KCNN2: variants seen among roughly 807,000 people sequenced by gnomAD.
KCNN2 encodes the protein small conductance calcium-activated potassium channel protein 2.
Under a neutral mutation model 55.5 loss-of-function variants are expected in KCNN2, and 24 were observed. The observed-to-expected ratio is 0.43, with a 90% CI of 0.31 to 0.61. KCNN2 has a LOEUF of 0.61. Ranked by LOEUF, KCNN2 falls within the 20% of genes least tolerant of loss-of-function variation. KCNN2 has a pLI of 0.08. For missense variants in KCNN2, 754 were observed against 853.6 expected (o/e 0.88, Z 1.45); for synonymous variants, 431 against 336.1 (o/e 1.28, Z -3.09).
chr5:114,185,875 T>G (rs1753322731), intron 1 of KCNN2, among the ~76,000 whole-genome samples: 1 of 152,212 alleles, frequency 6.6e-6, no homozygotes, highest in African/African-American at 2.4e-5. Context: ...TGTATCTGGT[T>G]GAAAACTATT....
intron 1 of KCNN2, among the ~76,000 whole-genome samples, chr5:114,191,632 A>C (rs934679528): frequency 1.3e-5 from 2 of 152,196 alleles, no homozygotes; most frequent in African/African-American, 4.8e-5. Context: ...CAGTCATAGC[A>C]CTGGAATGTT....
chr5:114,118,003 G>T (rs1189973789), intron 1 of KCNN2, among the ~76,000 whole-genome samples: 2 of 152,098 alleles, frequency 1.3e-5, no homozygotes, highest in African/African-American at 4.8e-5. Context: ...ACATCAAACA[G>T]ATATAGCTAC....
intron 1 of KCNN2, among the ~76,000 whole-genome samples, chr5:114,072,703 A>G (rs1215611038): frequency 2.0e-5 from 3 of 152,002 alleles, no homozygotes; most frequent in Non-Finnish European, 1.5e-5. Flanking sequence ...TTGCAACTAA[A>G]CCGCTTGGGT....
At chr5:114,175,701 C>T (rs1307740934) in intron 1 of KCNN2, among the ~76,000 whole-genome samples, 1 of 152,128 alleles carries the variant, frequency 6.6e-6, no homozygotes, top group African/African-American at 2.4e-5. Context: ...CACAAAAATT[C>T]AGGTAATAAA....
chr5:114,334,375 G>A (rs375002758), intron 2 of KCNN2, among the ~76,000 whole-genome samples: 13 of 150,438 alleles, frequency 8.6e-5, no homozygotes, highest in Non-Finnish European at 1.6e-4. Flanking sequence ...TGAGCCTCAG[G>A]CTCTTTGTCT....
At chr5:114,376,272 G>C (rs1757942459) in intron 2 of KCNN2, among the ~76,000 whole-genome samples, 1 of 152,090 alleles carries the variant, frequency 6.6e-6, no homozygotes, top group South Asian at 2.1e-4. Flanking sequence ...ATGTGTTTAG[G>C]ACTTAGTCCC....
At chr5:114,460,093 C>T (rs941871253) in intron 3 of KCNN2, among the ~76,000 whole-genome samples, 8 of 152,176 alleles carry the variant, frequency 5.3e-5, no homozygotes, top group African/African-American at 1.9e-4. Context: ...GACCTTCACA[C>T]CCATGCCAAA....
At chr5:114,409,510 T>C (rs976397078) in intron 3 of KCNN2, among the ~76,000 whole-genome samples, 1 of 152,160 alleles carries the variant, frequency 6.6e-6, no homozygotes. Flanking sequence ...TTTGAATGAA[T>C]CCTACCAGTT....
chr5:114,417,141 T>A (rs1361227442), intron 3 of KCNN2, among the ~76,000 whole-genome samples: 2 of 152,232 alleles, frequency 1.3e-5, no homozygotes, highest in Non-Finnish European at 2.9e-5. Context: ...GTAATTTTAA[T>A]CTGGTTTAAA....
intron 2 of KCNN2, among the ~76,000 whole-genome samples, chr5:114,227,637 A>G (rs983851454): frequency 1.3e-5 from 2 of 152,236 alleles, no homozygotes; most frequent in Non-Finnish European, 2.9e-5. Flanking sequence ...TACCATAAGT[A>G]CCTTAATGCT....
intron 6 of KCNN2, chr5:114,490,762 G>A: frequency 2.5e-6 from 1 of 398,024 alleles, no homozygotes; most frequent in Non-Finnish European, 4.4e-6. Context: ...CATGCACCCA[G>A]CAGATCCTTT....
chr5:114,354,338 A>G (rs1358224715), intron 2 of KCNN2, among the ~76,000 whole-genome samples: 1 of 152,058 alleles, frequency 6.6e-6, no homozygotes, highest in African/African-American at 2.4e-5. Flanking sequence ...CATTCTTTAT[A>G]GTTCAGAGTT....
At chr5:114,192,717 A>G (rs1319237103) in intron 1 of KCNN2, among the ~76,000 whole-genome samples, 1 of 152,122 alleles carries the variant, frequency 6.6e-6, no homozygotes, top group Non-Finnish European at 1.5e-5. Context: ...GAATGCTTAT[A>G]TCATGAGCCA....
At chr5:114,335,086 G>C (rs1756897403) in intron 2 of KCNN2, among the ~76,000 whole-genome samples, 1 of 152,156 alleles carries the variant, frequency 6.6e-6, no homozygotes. Flanking sequence ...TCCACGCCCG[G>C]CTAATTTTTT....
intron 2 of KCNN2, among the ~76,000 whole-genome samples, chr5:114,261,419 GCA>G (rs1305071363): frequency 1.3e-5 from 2 of 152,218 alleles, no homozygotes; most frequent in South Asian, 2.1e-4. Flanking sequence ...CAGGCACTGG[GCA>G]CAGGATTCAG....
chr5:114,401,774 G>C (rs1339325266), intron 2 of KCNN2, among the ~76,000 whole-genome samples: 1 of 152,176 alleles, frequency 6.6e-6, no homozygotes, highest in Non-Finnish European at 1.5e-5. Context: ...AGCATGATTA[G>C]GTTGGTGTGT....
intron 1 of KCNN2, among the ~76,000 whole-genome samples, chr5:114,066,753 T>G (rs1419843848): frequency 6.8e-6 from 1 of 147,444 alleles, no homozygotes; most frequent in Non-Finnish European, 1.5e-5. Flanking sequence ...CTAATTTTTG[T>G]GTGTTTTAGT....
chr5:114,356,790 A>T (rs1488022129), intron 2 of KCNN2, among the ~76,000 whole-genome samples: 1 of 152,144 alleles, frequency 6.6e-6, no homozygotes, highest in East Asian at 1.9e-4. Context: ...GTTTTCTTCA[A>T]ATTAGTAGAT....
rs189113228 is a variant in KCNN2 at position 114,470,016 on chromosome 5, G to C, written c.1780-3038G>C. On this transcript the variant is annotated intron_variant, in intron 4 of 7. Coordinates refer to ENST00000673685, the MANE Select transcript of KCNN2 (RefSeq NM_021614.4). Reference sequence around the variant, plus strand: ...AGTGAGGTATATAGATAATAGTTTTGATAATTACTAAATGATTGGATTAAT... The same window carrying C: ...AGTGAGGTATATAGATAATAGTTTTCATAATTACTAAATGATTGGATTAAT... Among the ~76,000 whole-genome samples the C allele has an allele frequency of 9.3e-4, 141 of 152,250 alleles. 1 individual carries two copies. The highest frequency in any genetic ancestry group is 3.3e-3 in the African/African-American group (137 of 41,552).
Sources: allele counts gnomAD v4.1 joint callset (sites outside exome capture counted in the v4.1 genomes callset), GRCh38; gene constraint gnomAD v4.1.1; transcripts MANE v1.5; gene names NCBI Gene and HGNC (gene_info 2026-07-23, HGNC 2026-07-21).